Variants in ACTR8 observed in about 807,000 individuals in gnomAD.
The protein encoded by ACTR8 is actin-related protein 8.
A neutral mutation model predicts 84.3 loss-of-function variants in ACTR8; 70 were observed. That is an observed-to-expected ratio of 0.83 (90% CI 0.68 to 1.01). ACTR8 has a LOEUF of 1.01. Ranked by LOEUF, ACTR8 falls within the 50% of genes least tolerant of loss-of-function variation. The pLI, the probability that ACTR8 is intolerant of heterozygous loss-of-function variation, is 0.00. For synonymous variants in ACTR8, 268 were observed against 275.2 expected, an observed-to-expected ratio of 0.97 and a Z score of 0.26; for missense variants, 672 against 775.4, an observed-to-expected ratio of 0.87 and a Z score of 1.58.
chr3:53,860,964 T>C, the ACTR8 span: 1 of 152,194 alleles, frequency 6.6e-6, no homozygotes, highest in Non-Finnish European at 1.5e-5. Flanking sequence ...AAAGATGTGG[T>C]ATTAAATCAT....
chr3:53,882,095 G>A lies in ACTR8; in HGVS notation c.7C>T (p.Gln3Ter). 1.3e-6 allele frequency: 2 copies of A among 1,551,498 alleles called. No individual in the cohort carries two copies. The highest frequency in any genetic ancestry group is 1.2e-5 in the South Asian group (1 of 84,064). MT[Q>*]AEKGDTENGK... is the part of the protein sequence containing the mutation. ...TTCTCCGTATCACCCTTCTCAGCCT[G>A]GGTCATTATGGCCGGAGACACCCAC... Residue 3 changes from glutamine to a stop codon, truncating the protein, a stop_gained, in exon 1 of 13, where the codon CAG becomes TAG. Transcript: ENST00000335754. LOFTEE classifies it high-confidence loss of function.
rs560276488 is a variant in ACTR8 at position 53,877,394 on chromosome 3, A to G, written c.511-7T>C. The G allele has an allele frequency of 1.1e-4, 170 of 1,589,482 alleles. 4 individuals are homozygous for G. The South Asian group carries it at 1.9e-3, about 17-fold the overall frequency. On this transcript the variant is annotated splice_polypyrimidine_tract_variant and splice_region_variant and intron_variant, in intron 4 of 12. Coordinates refer to ENST00000335754, the MANE Select transcript of ACTR8 (RefSeq NM_022899.5). Reference sequence around the variant, plus strand: ...GTGGATTAACATACAAGGCCTAGAAAAGGAGGAGGGAGATGAGTACTTTGT... The same window carrying G: ...GTGGATTAACATACAAGGCCTAGAAGAGGAGGAGGGAGATGAGTACTTTGT...
intron 6 of ACTR8, among the ~76,000 whole-genome samples, 176 bp downstream of exon 6, chr3:53,876,444 G>A (rs1054897636): frequency 2.6e-5 from 4 of 151,926 alleles, no homozygotes; most frequent in Non-Finnish European, 5.9e-5. Context: ...GCGTGAACCC[G>A]GGAGGTGGAG....
chr3:53,881,643 C>A (rs1041492268), intron 1 of ACTR8: 2 of 426,448 alleles, frequency 4.7e-6, no homozygotes, highest in Non-Finnish European at 8.6e-6. Flanking sequence ...CTCACGGCAA[C>A]TTGCGAGGCG....
chr3:53,859,114 A>G, the ACTR8 span: 1 of 279,158 alleles, frequency 3.6e-6, no homozygotes, highest in South Asian at 1.0e-4. Context: ...GATCTGCTGA[A>G]AAAAGCCAAA....
In ACTR8 at chr3:53,873,029, T is replaced by C; in HGVS notation, c.1161+3A>G. 1 of 1,604,892 alleles carries C rather than the reference T, an allele frequency of 6.2e-7. No individual in the cohort carries two copies. Among genetic ancestry groups the C allele is most frequent in the East Asian group, 2.2e-5 (1 of 44,784 alleles). On this transcript the variant is annotated splice_donor_region_variant and intron_variant, in intron 9 of 12. Coordinates refer to ENST00000335754, the MANE Select transcript of ACTR8 (RefSeq NM_022899.5). ...CCCATGGAAACAGATACCTATAAGT[T>C]ACCTGCAGTTTTTCATCTCCTAATC... is the stretch of plus-strand genomic sequence containing the variant.
At chr3:53,881,724 C>T in intron 1 of ACTR8, 2 of 590,840 alleles carry the variant, frequency 3.4e-6, no homozygotes, top group Non-Finnish European at 5.9e-6. Flanking sequence ...GCGCACACAA[C>T]CAGACGGTGG....
downstream of ACTR8, chr3:53,864,744 A>G (rs763396978): frequency 6.3e-7 from 1 of 1,596,232 alleles, no homozygotes; most frequent in Non-Finnish European, 8.5e-7. Flanking sequence ...CTCCTCTCAC[A>G]GAAAGGATCA....
chr3:53,882,055 C>A lies in ACTR8; in HGVS notation c.47G>T (p.Gly16Val), dbSNP rs1185330370. 5 of 1,551,696 alleles carry A rather than the reference C, an allele frequency of 3.2e-6. No individual in the cohort carries two copies. The highest frequency in any genetic ancestry group is 4.4e-6 in the Non-Finnish European group (5 of 1,146,888). Reference protein sequence around the residue: ...KGDTENGKEKGGEKEKEQRGV... With the variant: ...KGDTENGKEKVGEKEKEQRGV... ...GCGCTGCTCCTTCTCCTTCTCGCCG[C>A]CCTTCTCCTTTCCGTTCTCCGTATC... The change falls in exon 1 of 13, where the codon GGC (glycine) becomes GTC (valine). Residue 16 changes from glycine (G) to valine (V), a missense_variant. Gly to Val is a moderately radical substitution (Grantham distance 109). Transcript: ENST00000335754.
intron 8 of ACTR8, 131 bp from the exon 9 acceptor site, chr3:53,873,258 A>G (rs1576863322): frequency 5.8e-6 from 3 of 518,296 alleles, no homozygotes; most frequent in South Asian, 3.2e-5. Context: ...TACCACTCAC[A>G]CTATAATTTA....
At position 53,872,507 on chromosome 3, in the gene ACTR8, A is replaced by C; in HGVS notation, c.1179T>G (p.Phe393Leu). 1 of 1,608,962 alleles carries C rather than the reference A, an allele frequency of 6.2e-7. No individual in the cohort carries two copies. The highest frequency in any genetic ancestry group is 8.5e-7 in the Non-Finnish European group (1 of 1,178,398). ...DEKLQAPMAL[F>L]YPATFGIVGQ... Reference sequence around the variant, plus strand: ...CAACGATTCCAAAAGTTGCGGGGTAAAACAAAGCCATTGGAGCCTGTACAT... The same window carrying C: ...CAACGATTCCAAAAGTTGCGGGGTACAACAAAGCCATTGGAGCCTGTACAT... The change falls in exon 10 of 13, where the codon TTT (phenylalanine) becomes TTG (leucine). Residue 393 changes from phenylalanine to leucine, a missense_variant. Physicochemically the swap from Phe to Leu is conservative, Grantham distance 22. Transcript: ENST00000335754.
At position 53,876,632 on chromosome 3, in the gene ACTR8, T is replaced by A; in HGVS notation, c.766A>T (p.Met256Leu). 1 of 1,570,522 alleles carries A rather than the reference T, an allele frequency of 6.4e-7. No homozygotes were observed. The change falls in exon 6 of 13, where the codon ATG (methionine) becomes TTG (leucine). Residue 256 changes from methionine to leucine, a missense_variant. Physicochemically the swap from Met to Leu is conservative, Grantham distance 15. Transcript: ENST00000335754. The stretch of plus-strand genomic sequence containing the variant: ...ATATCAGACATACCTGAAAAACCCA[T>A]CTTCATTAGTATCATATTCACTAGT... Reference protein sequence around the residue: ...KELVNMILMKMGFSGIVVHQE... With the variant: ...KELVNMILMKLGFSGIVVHQE...
chr3:53,876,091 A>AT lies in ACTR8; in HGVS notation c.779-12_779-11insA. ...GATGGACCACAATCCCTGGGGGGGGAAAAGAAAAGGCAGAGTAGTCATTAG... is the reference window on the plus strand; with the variant it reads ...GATGGACCACAATCCCTGGGGGGGGATAAAGAAAAGGCAGAGTAGTCATTAG... On this transcript the variant is annotated splice_polypyrimidine_tract_variant and intron_variant, in intron 6 of 12. Transcript: ENST00000335754. 1 of 1,551,946 alleles carries AT rather than the reference A, an allele frequency of 6.4e-7. No individual in the cohort carries two copies. The highest frequency in any genetic ancestry group is 8.7e-7 in the Non-Finnish European group (1 of 1,145,656).
chr3:53,863,326 C>T (rs1489539132), downstream of ACTR8, among the ~76,000 whole-genome samples: 1 of 152,122 alleles, frequency 6.6e-6, no homozygotes, highest in East Asian at 1.9e-4. Context: ...AAGGGCTTTG[C>T]TAACTTCAAA....
downstream of ACTR8, chr3:53,864,777 C>A: frequency 6.2e-7 from 1 of 1,612,496 alleles, no homozygotes. Context: ...TTTCTACCAC[C>A]ACACTACTGC....
chr3:53,881,875 G>C, intron 1 of ACTR8, 104 bp downstream of exon 1: 4 of 1,516,560 alleles, frequency 2.6e-6, no homozygotes, highest in Non-Finnish European at 3.6e-6. Flanking sequence ...CCAGGGGCTG[G>C]GGCCTGCAAG....
intron 8 of ACTR8, among the ~76,000 whole-genome samples, chr3:53,873,482 C>T (rs182403559): frequency 3.5e-3 from 539 of 152,180 alleles, no homozygotes; most frequent in Non-Finnish European, 6.0e-3. Flanking sequence ...AAAAACAAGT[C>T]TCAAACAAAA....
rs776073650 is a variant in ACTR8 at position 53,870,194 on chromosome 3, T to C, written c.1568-49A>G. ...CATGCTTTTTTCTCCACATCCATAA[T>C]TCTAGGCCAAGCCACCAACACCTCT... is the stretch of plus-strand genomic sequence containing the variant. On this transcript the variant is annotated intron_variant, in intron 11 of 12. Coordinates refer to ENST00000335754, the MANE Select transcript of ACTR8 (RefSeq NM_022899.5). This position sits in a 1 kb window ranked among gnomAD's most constrained non-coding sequence, Gnocchi z 4.1. The C allele has an allele frequency of 8.2e-6, 13 of 1,591,214 alleles. No homozygotes were observed. The East Asian group carries it at 2.5e-4, about 30-fold the overall frequency.
At chr3:53,877,085 C>A in intron 5 of ACTR8, 129 bp downstream of exon 5, 1 of 853,814 alleles carries the variant, frequency 1.2e-6, no homozygotes, top group Non-Finnish European at 1.6e-6. Flanking sequence ...CTCATGCCAC[C>A]AAGAATCCTC....
Sources: gnomAD v4.1 joint callset for allele counts (sites outside exome capture counted in the v4.1 genomes callset) on GRCh38, gnomAD v4.1.1 for gene constraint, Gnocchi (gnomAD v3.1) non-coding constraint, MANE v1.5 for transcripts, NCBI Gene and HGNC (gene_info 2026-07-23, HGNC 2026-07-21) for gene names.